The following PTCD2 variants were observed in gnomAD, a reference collection of about 807,000 sequenced individuals.
PTCD2 encodes the protein pentatricopeptide repeat domain 2.
A neutral mutation model predicts 42.6 loss-of-function variants in PTCD2; 31 were observed. The ratio of observed to expected loss-of-function variants is 0.73; its 90% CI spans 0.55 to 0.98. The LOEUF (loss-of-function observed/expected upper bound fraction) is 0.98, where lower values mean the gene tolerates loss of function less well. Ranked by LOEUF, PTCD2 falls within the 50% of genes least tolerant of loss-of-function variation. The pLI is 0.00. For missense variants in PTCD2, 476 were observed against 454.8 expected (o/e 1.05, Z -0.42); for synonymous variants, 183 against 170.9 (o/e 1.07, Z -0.55).
intron 2 of PTCD2, among the ~76,000 whole-genome samples, chr5:72,323,179 G>GA (rs1234346876): frequency 3.3e-5 from 5 of 151,896 alleles, no homozygotes; most frequent in Middle Eastern, 3.4e-3. Flanking sequence ...GATTTGCTTT[G>GA]AAAAAAAATC....
At chr5:72,341,496 T>A (rs1334092739) in intron 7 of PTCD2, among the ~76,000 whole-genome samples, 1 of 151,798 alleles carries the variant, frequency 6.6e-6, no homozygotes, top group Non-Finnish European at 1.5e-5. Flanking sequence ...CCCAGCACTT[T>A]GGAAGGGGGG....
intron 9 of PTCD2, 98 bp from the exon 10 acceptor site, chr5:72,358,105 A>T (rs1752968361): frequency 2.7e-6 from 3 of 1,107,820 alleles, no homozygotes; most frequent in Non-Finnish European, 4.0e-6. Context: ...GGCCTACCAT[A>T]CATTTTTGTT....
intron 9 of PTCD2, among the ~76,000 whole-genome samples, chr5:72,356,432 A>G (rs1202843325): frequency 6.6e-6 from 1 of 152,252 alleles, no homozygotes; most frequent in African/African-American, 2.4e-5. Flanking sequence ...ATATAACTCC[A>G]GTAGCTTTTG....
chr5:72,345,150 G>A (rs2112199523), intron 8 of PTCD2, among the ~76,000 whole-genome samples: 1 of 152,234 alleles, frequency 6.6e-6, no homozygotes, highest in East Asian at 1.9e-4. Flanking sequence ...CCCCTGAAGT[G>A]GCCATTTCAG....
chr5:72,321,623 A>G (rs1036648490), intron 1 of PTCD2, among the ~76,000 whole-genome samples: 20 of 152,298 alleles, frequency 1.3e-4, no homozygotes, highest in African/African-American at 4.8e-4. Flanking sequence ...TCCCAAATCT[A>G]CTAAGCTGTG....
At chr5:72,333,704 A>G (rs1751564177) in intron 4 of PTCD2, among the ~76,000 whole-genome samples, 1 of 152,252 alleles carries the variant, frequency 6.6e-6, no homozygotes, top group South Asian at 2.1e-4. Context: ...GACTATAGTT[A>G]ATGACAATGT....
chr5:72,338,692 C>G lies in PTCD2; in HGVS notation c.710C>G (p.Ser237Cys), dbSNP rs1304486615. Residue 237 changes from serine (S) to cysteine (C), a missense_variant, in exon 7 of 10, where the codon TCC (serine) becomes TGC (cysteine). Physicochemically the swap from Ser to Cys is moderately radical, Grantham distance 112. Coordinates refer to ENST00000380639, the MANE Select transcript of PTCD2 (RefSeq NM_024754.5). The part of the protein sequence containing the change: ...EEALLKGEIL[S>C]RRASCFAVAL... ...GCTCTACTCAAAGGAGAAATTCTCT[C>G]CAGGAGAGCATCCTGTTTCGCTGTG... is the stretch of plus-strand genomic sequence containing the variant. 3.1e-6 allele frequency: 5 copies of G among 1,612,668 alleles called. No homozygotes were observed. The highest frequency in any genetic ancestry group is 4.5e-5 in the East Asian group (2 of 44,872).
chr5:72,324,413 C>G (rs1751027526), intron 2 of PTCD2, among the ~76,000 whole-genome samples: 1 of 152,230 alleles, frequency 6.6e-6, no homozygotes, highest in South Asian at 2.1e-4. Context: ...TCCGCCCTTT[C>G]TAGGACGGTT....
intron 6 of PTCD2, among the ~76,000 whole-genome samples, chr5:72,336,214 A>G (rs144537596): frequency 7.2e-5 from 11 of 152,226 alleles, no homozygotes; most frequent in Non-Finnish European, 1.0e-4. Context: ...GTCCTTGTCT[A>G]TGGAAATCTT....
chr5:72,355,876 A>G (rs1012518862), intron 9 of PTCD2, among the ~76,000 whole-genome samples: 4 of 152,124 alleles, frequency 2.6e-5, no homozygotes, highest in Non-Finnish European at 4.4e-5. Context: ...AGTTTGGTCC[A>G]GGCTGAAGGC....
chr5:72,336,032 G>A (rs1017703648), intron 6 of PTCD2, 147 bp downstream of exon 6: 1 of 593,548 alleles, frequency 1.7e-6, no homozygotes, highest in African/African-American at 1.9e-5. Flanking sequence ...TTTATTTTTA[G>A]AAAACTCAAG....
chr5:72,329,912 A>G (rs1751347468), intron 3 of PTCD2, among the ~76,000 whole-genome samples: 2 of 151,822 alleles, frequency 1.3e-5, no homozygotes, highest in South Asian at 4.2e-4. Context: ...GTTGTAATGA[A>G]GCAATGAATA....
intron 3 of PTCD2, among the ~76,000 whole-genome samples, chr5:72,328,404 T>G (rs531284040): frequency 3.1e-4 from 47 of 152,352 alleles, no homozygotes; most frequent in Non-Finnish European, 5.6e-4. Flanking sequence ...ACAGCCCAGA[T>G]GGGAGCTGCC....
intron 3 of PTCD2, among the ~76,000 whole-genome samples, chr5:72,327,930 TTATC>T (rs1225315265): frequency 6.6e-6 from 1 of 152,252 alleles, no homozygotes; most frequent in Non-Finnish European, 1.5e-5. Flanking sequence ...TATTTTTTGT[TTATC>T]TAAATGTATA....
At chr5:72,352,268 C>T (rs578012178) in intron 8 of PTCD2, among the ~76,000 whole-genome samples, 18 of 152,304 alleles carry the variant, frequency 1.2e-4, no homozygotes, top group Non-Finnish European at 1.6e-4. Flanking sequence ...CTGCCTCAGC[C>T]TCCCAAGTAG....
chr5:72,331,382 G>A lies in PTCD2; in HGVS notation c.468+7G>A, dbSNP rs1161834032. 1 of 1,575,284 alleles carries A rather than the reference G, an allele frequency of 6.3e-7. No individual in the cohort carries two copies. The highest frequency in any genetic ancestry group is 2.2e-5 in the East Asian group (1 of 44,722). ...GGAGCTCATGAAAGACCAGGTTATT[G>A]TTTCCTAATTGTTTTCTCTGCCAAT... On this transcript the variant is annotated splice_region_variant and intron_variant, in intron 4 of 9. Coordinates refer to ENST00000380639, the MANE Select transcript of PTCD2 (RefSeq NM_024754.5).
At position 72,361,244 on chromosome 5, in the gene PTCD2, A is replaced by G. The variant is rs1753088782; in HGVS notation, c.*2817A>G. 1.3e-5 allele frequency: 2 copies of G among 152,194 alleles called. No homozygotes were observed. The highest frequency in any genetic ancestry group is 4.8e-5 in the African/African-American group (2 of 41,444). The allele number at this position is 152,194 out of a possible 1,614,324, so 9.4% of individuals were successfully genotyped here. A position where few individuals can be genotyped will look rare whatever the true frequency, so the allele number is the denominator to read the frequency against. ...AAACTCAGTGACTTTAAACAACACCAGTCATTGTGTTATTTCTCATTATCC... is the reference window on the plus strand; with the variant it reads ...AAACTCAGTGACTTTAAACAACACCGGTCATTGTGTTATTTCTCATTATCC... On this transcript the variant is annotated 3_prime_UTR_variant, in exon 10 of 10. Transcript: ENST00000380639.
rs1752989041 is a variant in PTCD2, at chr5:72,358,365, A to G, written c.1105A>G (p.Asn369Asp). The G allele has an allele frequency of 6.2e-7, 1 of 1,613,958 alleles. No individual in the cohort carries two copies. The highest frequency in any genetic ancestry group is 1.3e-5 in the African/African-American group (1 of 74,996). ...CAGGAAATCTCACACGTTGCTATTA[A>G]ACAAGAGGATGGTCAGCCGTCGCAC... ...RDRKSHTLLL[N>D]KRMVSRRTFQ... The change falls in exon 10 of 10, where the codon AAC becomes GAC. Residue 369 changes from asparagine (N) to aspartate (D), a missense_variant. Physicochemically the swap from Asn to Asp is conservative, Grantham distance 23. Coordinates refer to ENST00000380639, the MANE Select transcript of PTCD2 (RefSeq NM_024754.5).
intron 4 of PTCD2, 67 bp downstream of exon 4, chr5:72,331,442 C>A: frequency 9.3e-7 from 1 of 1,073,786 alleles, no homozygotes; most frequent in Non-Finnish European, 1.5e-6. Flanking sequence ...AAAGGCATGT[C>A]TTCTATGTAC....
Sources: gnomAD v4.1 joint callset for allele counts (sites outside exome capture counted in the v4.1 genomes callset) on GRCh38, gnomAD v4.1.1 for gene constraint, MANE v1.5 for transcripts, NCBI Gene and HGNC (gene_info 2026-07-23, HGNC 2026-07-21) for gene names.